Variants in NBEA observed in about 807,000 individuals in gnomAD.
The protein encoded by NBEA is lysosomal-trafficking regulator 2.
NBEA carries 44 observed loss-of-function variants against 343.4 expected under a neutral mutation model. The observed-to-expected ratio is 0.13, with a 90% CI of 0.10 to 0.16. The LOEUF (loss-of-function observed/expected upper bound fraction) is 0.16, where lower values mean the gene tolerates loss of function less well. Ranked by LOEUF, NBEA falls within the 10% of genes least tolerant of loss-of-function variation. The pLI, the probability that NBEA is intolerant of heterozygous loss-of-function variation, is 1.00. For missense variants in NBEA, 2,555 were observed against 3,631.3 expected (o/e 0.70, Z 7.62); for synonymous variants, 1,175 against 1,238.7 (o/e 0.95, Z 1.08).
At chr13:34,961,639 A>G (rs1308805312) in intron 1 of NBEA, among the ~76,000 whole-genome samples, 1 of 152,110 alleles carries the variant, frequency 6.6e-6, no homozygotes, top group Non-Finnish European at 1.5e-5. Flanking sequence ...AATGATCAAG[A>G]TAAGGTCTCT....
chr13:35,209,902 C>T (rs1376928744), intron 32 of NBEA, among the ~76,000 whole-genome samples: 1 of 151,936 alleles, frequency 6.6e-6, no homozygotes, highest in Admixed American at 6.6e-5. Flanking sequence ...CTATTGTTTA[C>T]CTGTATTATA....
At chr13:35,501,447 G>C (rs1209223237) in intron 41 of NBEA, among the ~76,000 whole-genome samples, 1 of 151,956 alleles carries the variant, frequency 6.6e-6, no homozygotes, top group African/African-American at 2.4e-5. Context: ...GAATATTTGG[G>C]CTCTCCATTT....
At chr13:35,651,327 C>A (rs1364425469) in intron 52 of NBEA, among the ~76,000 whole-genome samples, 1 of 152,026 alleles carries the variant, frequency 6.6e-6, no homozygotes, top group South Asian at 2.1e-4. Flanking sequence ...GGATGGGAGC[C>A]CCAGCTTCCT....
intron 44 of NBEA, among the ~76,000 whole-genome samples, chr13:35,562,148 A>G (rs1331317982): frequency 6.6e-6 from 1 of 152,104 alleles, no homozygotes; most frequent in African/African-American, 2.4e-5. Flanking sequence ...TTTTAAAACT[A>G]CATGAGAGTC....
chr13:35,102,962 G>A (rs952558875), intron 11 of NBEA, among the ~76,000 whole-genome samples: 3 of 151,654 alleles, frequency 2.0e-5, no homozygotes, highest in African/African-American at 4.8e-5. Flanking sequence ...GATCTCATGG[G>A]CAATGCTTTT....
intron 48 of NBEA, among the ~76,000 whole-genome samples, chr13:35,618,392 T>A (rs148445357): frequency 3.3e-5 from 5 of 152,248 alleles, no homozygotes; most frequent in Admixed American, 6.5e-5. Context: ...TAGCAGACTT[T>A]ACATGTCTAC....
chr13:35,428,299 T>C (rs942788478), intron 38 of NBEA, among the ~76,000 whole-genome samples: 6 of 152,182 alleles, frequency 3.9e-5, no homozygotes, highest in Non-Finnish European at 7.3e-5. Context: ...CATTATTTTT[T>C]TGGACATTGT....
intron 41 of NBEA, among the ~76,000 whole-genome samples, chr13:35,494,509 C>G (rs1464782606): frequency 1.3e-5 from 2 of 151,664 alleles, no homozygotes; most frequent in African/African-American, 2.4e-5. Flanking sequence ...TTTGCATCAA[C>G]CTAATATATT....
chr13:35,475,187 G>A, intron 41 of NBEA: 1 of 1,614,036 alleles, frequency 6.2e-7, no homozygotes, highest in South Asian at 1.1e-5. Flanking sequence ...AGAAAGTAGT[G>A]GGGACACCGC....
chr13:34,961,433 G>T (rs528737356), intron 1 of NBEA, among the ~76,000 whole-genome samples: 2 of 152,110 alleles, frequency 1.3e-5, no homozygotes, highest in African/African-American at 4.8e-5. Context: ...GCTCACAGAT[G>T]ATCTATTCTT....
chr13:35,669,992 G>C (rs988587324), intron 58 of NBEA, among the ~76,000 whole-genome samples: 1 of 151,696 alleles, frequency 6.6e-6, no homozygotes, highest in Non-Finnish European at 1.5e-5. Flanking sequence ...TCAATGGAGG[G>C]GGGAAAGATA....
chr13:35,415,170 C>G (rs1405767537), intron 38 of NBEA, among the ~76,000 whole-genome samples: 1 of 152,070 alleles, frequency 6.6e-6, no homozygotes, highest in Non-Finnish European at 1.5e-5. Context: ...AAATTTTCTC[C>G]CATTCTGTAG....
At chr13:35,162,565 C>T (rs1205123280) in intron 23 of NBEA, among the ~76,000 whole-genome samples, 1 of 151,870 alleles carries the variant, frequency 6.6e-6, no homozygotes, top group Non-Finnish European at 1.5e-5. Context: ...TTTCCTCTGC[C>T]TCCTCTTCTT....
At chr13:35,041,256 G>T in intron 2 of NBEA, 92 bp downstream of exon 2, 2 of 1,026,408 alleles carry the variant, frequency 1.9e-6, no homozygotes, top group Non-Finnish European at 1.4e-6. Context: ...TAGATTTGTT[G>T]ACATTACTTT....
At chr13:35,102,589 A>G (rs2065699723) in intron 11 of NBEA, among the ~76,000 whole-genome samples, 1 of 151,512 alleles carries the variant, frequency 6.6e-6, no homozygotes, top group Non-Finnish European at 1.5e-5. Context: ...TTTTTGATGG[A>G]TTTATTTCCA....
At chr13:35,381,939 T>C (rs890550228) in intron 38 of NBEA, among the ~76,000 whole-genome samples, 1 of 152,170 alleles carries the variant, frequency 6.6e-6, no homozygotes, top group Non-Finnish European at 1.5e-5. Flanking sequence ...CTATTTCTAA[T>C]TATATTTCTT....
chr13:35,071,042 T>C, intron 10 of NBEA, 190 bp downstream of exon 10: 1 of 454,774 alleles, frequency 2.2e-6, no homozygotes, highest in Non-Finnish European at 3.6e-6. Context: ...ATTTAGGTTG[T>C]TATATCATAA....
intron 56 of NBEA, among the ~76,000 whole-genome samples, chr13:35,665,881 G>A (rs539291563): frequency 7.9e-5 from 12 of 152,240 alleles, no homozygotes; most frequent in African/African-American, 2.9e-4. Flanking sequence ...ACCCACCTCA[G>A]CCTCCCAAAT....
Position 35,228,676 on chromosome 13 carries a change from C to G in NBEA, c.5649-3816C>G, listed in dbSNP as rs2074803793. Among the ~76,000 whole-genome samples, 5 of 152,002 alleles carry G rather than the reference C, an allele frequency of 3.3e-5. No homozygotes were observed. The South Asian group carries it at 1.0e-3, about 32-fold the overall frequency. Reference sequence around the variant, plus strand: ...CTGTTTGAGTCACTTAAGATAATGGCCTCCTGTTCCAGTAATTTAATTCTT... The same window carrying G: ...CTGTTTGAGTCACTTAAGATAATGGGCTCCTGTTCCAGTAATTTAATTCTT... On this transcript the variant is annotated intron_variant, in intron 33 of 58. Transcript: ENST00000379939.
Sources: gnomAD v4.1 joint callset for allele counts (sites outside exome capture counted in the v4.1 genomes callset) on GRCh38, gnomAD v4.1.1 for gene constraint, MANE v1.5 for transcripts, NCBI Gene and HGNC (gene_info 2026-07-23, HGNC 2026-07-21) for gene names.